Variants in RNF130 observed in about 807,000 individuals in gnomAD.
The protein encoded by RNF130 is E3 ubiquitin-protein ligase RNF130.
A neutral mutation model predicts 44.6 loss-of-function variants in RNF130; 21 were observed. The ratio of observed to expected loss-of-function variants is 0.47; its 90% CI spans 0.33 to 0.68. The LOEUF (loss-of-function observed/expected upper bound fraction) is 0.68. Ranked by LOEUF, RNF130 falls within the 30% of genes least tolerant of loss-of-function variation. The pLI, the probability that RNF130 is intolerant of heterozygous loss-of-function variation, is 0.02. For synonymous variants in RNF130, 214 were observed against 210.4 expected, an observed-to-expected ratio of 1.02 and a Z score of -0.15; for missense variants, 479 against 560.6, an observed-to-expected ratio of 0.85 and a Z score of 1.47.
At chr5:179,958,288 C>T (rs1341270222) in intron 8 of RNF130, among the ~76,000 whole-genome samples, 2 of 152,182 alleles carry the variant, frequency 1.3e-5, no homozygotes, top group Non-Finnish European at 2.9e-5. Flanking sequence ...AGGCACAGGA[C>T]TGACTACATC....
chr5:179,993,213 G>A (rs567791133), intron 3 of RNF130, among the ~76,000 whole-genome samples: 52 of 152,334 alleles, frequency 3.4e-4, no homozygotes, highest in Admixed American at 3.1e-3. Flanking sequence ...ATAGCAGCAC[G>A]ATTTATAGTC....
intron 3 of RNF130, among the ~76,000 whole-genome samples, chr5:180,008,825 A>G (rs1308754623): frequency 6.6e-6 from 1 of 152,112 alleles, no homozygotes; most frequent in Non-Finnish European, 1.5e-5. Flanking sequence ...TGGAGGTTGC[A>G]GTGAGCTGAG....
At chr5:179,957,393 G>C (rs1762234359) in intron 8 of RNF130, among the ~76,000 whole-genome samples, 1 of 152,152 alleles carries the variant, frequency 6.6e-6, no homozygotes. Flanking sequence ...GCCTGGGTGA[G>C]AGAGCGAGAC....
intron 7 of RNF130, among the ~76,000 whole-genome samples, chr5:179,934,963 C>T (rs1453149211): frequency 3.9e-5 from 6 of 152,036 alleles, no homozygotes; most frequent in Admixed American, 3.3e-4. Context: ...TCGAACTTTT[C>T]GCTAGGCTTT....
At chr5:179,985,961 T>G (rs540520937) in intron 3 of RNF130, among the ~76,000 whole-genome samples, 48 of 152,370 alleles carry the variant, frequency 3.2e-4, no homozygotes, top group African/African-American at 1.1e-3. Context: ...CAAAAGCTAC[T>G]TCTCCTGTTA....
chr5:180,027,394 A>G (rs1289344613), intron 2 of RNF130, among the ~76,000 whole-genome samples: 1 of 152,170 alleles, frequency 6.6e-6, no homozygotes, highest in Non-Finnish European at 1.5e-5. Flanking sequence ...TCTGAGTATA[A>G]GCAGAAACAG....
intron 7 of RNF130, among the ~76,000 whole-genome samples, chr5:179,946,581 T>C (rs1254470549): frequency 4.9e-5 from 7 of 143,930 alleles, no homozygotes; most frequent in Non-Finnish European, 9.0e-5. Flanking sequence ...TGAGACGGAG[T>C]CTCGCTCTGT....
At chr5:179,912,098 G>A (rs944782419) in exon 8 of RNF130, 4 of 152,134 alleles carry the variant, frequency 2.6e-5, no homozygotes, top group Admixed American at 6.5e-5. Flanking sequence ...CACATTACCT[G>A]TGCTATAGTT....
chr5:179,988,981 G>A (rs1250772062), intron 3 of RNF130, among the ~76,000 whole-genome samples: 4 of 152,132 alleles, frequency 2.6e-5, no homozygotes, highest in African/African-American at 9.7e-5. Context: ...GGGTGTATTA[G>A]TCCGTTTTTA....
intron 7 of RNF130, among the ~76,000 whole-genome samples, chr5:179,935,685 A>G (rs1337648328): frequency 6.6e-6 from 1 of 151,526 alleles, no homozygotes; most frequent in African/African-American, 2.4e-5. Context: ...CTTCTTTTGG[A>G]TGACTTTTTG....
chr5:179,915,398 T>G (rs1194459892), exon 8 of RNF130: 2 of 152,512 alleles, frequency 1.3e-5, no homozygotes, highest in Non-Finnish European at 2.9e-5. Flanking sequence ...GTCTGCAGCC[T>G]GGCCACCTTA....
intron 3 of RNF130, among the ~76,000 whole-genome samples, chr5:180,007,194 A>T (rs1225511572): frequency 6.6e-6 from 1 of 152,114 alleles, no homozygotes; most frequent in East Asian, 1.9e-4. Context: ...TGAGGTAAGG[A>T]GTTTGAGACC....
intron 5 of RNF130, among the ~76,000 whole-genome samples, chr5:179,976,612 C>CT (rs1012854776): frequency 6.6e-6 from 1 of 151,902 alleles, no homozygotes; most frequent in Non-Finnish European, 1.5e-5. Flanking sequence ...ATAGATTTTC[C>CT]TTTATATGTA....
At chr5:179,965,822 T>G (rs1391471805) in intron 7 of RNF130, among the ~76,000 whole-genome samples, 1 of 152,188 alleles carries the variant, frequency 6.6e-6, no homozygotes, top group Non-Finnish European at 1.5e-5. Context: ...TAATAATGTC[T>G]GGTTGGTTAA....
At chr5:179,961,961 C>G (rs888689368) in intron 8 of RNF130, among the ~76,000 whole-genome samples, 1 of 152,230 alleles carries the variant, frequency 6.6e-6, no homozygotes, top group Non-Finnish European at 1.5e-5. Context: ...TAGGCTGATT[C>G]TCATAACAAC....
rs1473443493 is a variant in RNF130 at position 179,998,861 on chromosome 5, A to T, written c.693+14200T>A. Among the ~76,000 whole-genome samples the T allele has an allele frequency of 3.8e-4, 32 of 84,514 alleles. 1 individual carries two copies. Among genetic ancestry groups the T allele is most frequent in the South Asian group, 4.4e-4 (1 of 2,252 alleles). 55.4% of individuals were successfully genotyped at this position (84,514 alleles called of 152,430 possible). A position where few individuals can be genotyped will look rare whatever the true frequency, so the allele number is the denominator to read the frequency against. On this transcript the variant is annotated intron_variant, in intron 3 of 8. Transcript: ENST00000521389. The stretch of plus-strand genomic sequence containing the variant: ...TCTCTCTTTAGATCTAGTATTTTTT[A>T]TATATATATATATATATATATATGT...
intron 1 of RNF130, among the ~76,000 whole-genome samples, chr5:180,067,131 A>G (rs1765127050): frequency 6.6e-6 from 1 of 152,232 alleles, no homozygotes; most frequent in Admixed American, 6.5e-5. Flanking sequence ...AATGCAGCGC[A>G]AGATTAGACA....
intron 2 of RNF130, among the ~76,000 whole-genome samples, chr5:180,014,246 T>C (rs116744697): frequency 0.022 from 3,333 of 152,324 alleles, 61 homozygotes; most frequent in Admixed American, 0.042. Flanking sequence ...CCTCTTCCTA[T>C]GGACAGCAGG....
intron 8 of RNF130, among the ~76,000 whole-genome samples, chr5:179,957,924 C>CTGGA (rs1762245406): frequency 1.3e-5 from 2 of 150,732 alleles, no homozygotes; most frequent in African/African-American, 4.9e-5. Flanking sequence ...GTCGCCCAGG[C>CTGGA]TGGAGTGCAG....
Sources: allele counts gnomAD v4.1 joint callset (sites outside exome capture counted in the v4.1 genomes callset), GRCh38; gene constraint gnomAD v4.1.1; transcripts MANE v1.5; gene names NCBI Gene and HGNC (gene_info 2026-07-23, HGNC 2026-07-21).